EPB41L3: variants seen among roughly 807,000 people sequenced by gnomAD.
EPB41L3 encodes band 4.1-like protein 3.
In EPB41L3, 57 loss-of-function variants were observed where a neutral mutation model predicts 127.1. The observed-to-expected ratio is 0.45, with a 90% confidence interval of 0.36 to 0.56. The LOEUF is 0.56. Among genes scored for constraint, EPB41L3 ranks in the 20% least tolerant of loss-of-function variants. The pLI is 0.00. For missense variants in EPB41L3, 1,273 were observed against 1,372.2 expected, an observed-to-expected ratio of 0.93 and a Z score of 1.14; for synonymous variants, 572 against 549.5, an observed-to-expected ratio of 1.04 and a Z score of -0.57.
chr18:5,456,826 G>C (rs2083156675), intron 3 of EPB41L3, among the ~76,000 whole-genome samples: 1 of 152,208 alleles, frequency 6.6e-6, no homozygotes, highest in Admixed American at 6.5e-5. Flanking sequence ...CCTGTGACAG[G>C]GGTAAGGAGG....
At chr18:5,441,005 T>C (rs1325738250) in intron 5 of EPB41L3, among the ~76,000 whole-genome samples, 1 of 152,156 alleles carries the variant, frequency 6.6e-6, no homozygotes, top group Non-Finnish European at 1.5e-5. Context: ...GCCTCCCTAG[T>C]AGCCAGGACT....
At chr18:5,586,628 C>T (rs984963347) in intron 3 of EPB41L3, among the ~76,000 whole-genome samples, 1 of 150,438 alleles carries the variant, frequency 6.6e-6, no homozygotes, top group Non-Finnish European at 1.5e-5. Flanking sequence ...TCTCAAACTC[C>T]TAGGTTCAAG....
chr18:5,530,513 C>G (rs1031741780), intron 1 of EPB41L3, among the ~76,000 whole-genome samples: 8 of 152,104 alleles, frequency 5.3e-5, no homozygotes, highest in Admixed American at 5.2e-4. Context: ...TGCACAGGGC[C>G]CTGAACTCTG....
At chr18:5,570,579 T>C (rs1480261503) in intron 3 of EPB41L3, among the ~76,000 whole-genome samples, 1 of 151,952 alleles carries the variant, frequency 6.6e-6, no homozygotes, top group African/African-American at 2.4e-5. Flanking sequence ...CTTTTTCTTT[T>C]CTTTTATTTT....
chr18:5,553,588 A>G (rs992447353), intron 3 of EPB41L3, among the ~76,000 whole-genome samples: 3 of 152,238 alleles, frequency 2.0e-5, no homozygotes, highest in Non-Finnish European at 2.9e-5. Context: ...AGAGCAGTCT[A>G]CAAGTTAAGA....
At chr18:5,540,977 C>T (rs1170349369) in intron 1 of EPB41L3, among the ~76,000 whole-genome samples, 3 of 149,410 alleles carry the variant, frequency 2.0e-5, no homozygotes, top group Non-Finnish European at 4.4e-5. Context: ...CCCAGCTACT[C>T]GGGAGGCTGA....
chr18:5,399,629 T>C, intron 16 of EPB41L3: 1 of 342,458 alleles, frequency 2.9e-6, no homozygotes, highest in East Asian at 4.5e-5. Flanking sequence ...GGAACATACT[T>C]TGCAGTAAAT....
chr18:5,469,032 C>T (rs2147449171), intron 3 of EPB41L3, among the ~76,000 whole-genome samples: 1 of 152,330 alleles, frequency 6.6e-6, no homozygotes, highest in East Asian at 1.9e-4. Context: ...CTCAATAAAG[C>T]ACCTCTTTGT....
At position 5,445,463 on chromosome 18, in the gene EPB41L3, A is replaced by G. The variant is rs551926734; in HGVS notation, c.382-219T>C. Among the ~76,000 whole-genome samples, 4 of 152,344 alleles carry G rather than the reference A, an allele frequency of 2.6e-5. No individual in the cohort carries two copies. The South Asian group carries it at 8.3e-4, about 32-fold the overall frequency. ...CAACCTACAAAAGCCCACCCCACAAATAAACAAAAGCAAAGTATCAACAGC... is the reference window on the plus strand; with the variant it reads ...CAACCTACAAAAGCCCACCCCACAAGTAAACAAAAGCAAAGTATCAACAGC... On this transcript the variant is annotated intron_variant, in intron 3 of 22. Transcript: ENST00000341928.
chr18:5,540,645 C>A, intron 1 of EPB41L3: 1 of 674,610 alleles, frequency 1.5e-6, no homozygotes, highest in Non-Finnish European at 1.8e-6. Flanking sequence ...GCAGCGATTG[C>A]ACGATTAAGG....
chr18:5,416,279 C>A lies in EPB41L3; in HGVS notation c.1606G>T (p.Asp536Tyr), dbSNP rs1222073539. The change falls in exon 13 of 23, where the codon GAC becomes TAC. Residue 536 changes from aspartate (D) to tyrosine (Y), a missense_variant. Transcript: ENST00000341928. ...GGCTCATAACCTGGCAGTTTGCAGT[C>A]ATTCTCCTTACACCTCCTACGGAGC... ...TELRRRCKEN[D>Y]CKLPGYEPSR... 1.2e-6 allele frequency: 2 copies of A among 1,614,110 alleles called. No homozygotes were observed. The highest frequency in any genetic ancestry group is 1.7e-6 in the Non-Finnish European group (2 of 1,180,034).
chr18:5,568,161 T>C (rs2094231372), intron 3 of EPB41L3, among the ~76,000 whole-genome samples: 1 of 152,126 alleles, frequency 6.6e-6, no homozygotes, highest in Non-Finnish European at 1.5e-5. Context: ...ATTTAAAAGA[T>C]AACATAAAAG....
In EPB41L3 at chr18:5,464,873, T is replaced by G. The variant is rs752256015; in HGVS notation, c.381+13368A>C. Among the ~76,000 whole-genome samples the G allele has an allele frequency of 2.1e-3, 316 of 152,292 alleles. 7 individuals carry two copies. Among genetic ancestry groups the G allele is most frequent in the Non-Finnish European group, 7.6e-4 (52 of 68,014 alleles). ...AGAGATGAAGAAAAAGAGGGTTGAC[T>G]TCCTCAGATCCTTTCTTTAATAGAC... On this transcript the variant is annotated intron_variant, in intron 3 of 22. Coordinates refer to ENST00000341928, the MANE Select transcript of EPB41L3 (RefSeq NM_012307.5).
In EPB41L3 at chr18:5,543,442, C is replaced by T. The variant is rs1046224729; in HGVS notation, c.-12+471G>A. 2.0e-5 allele frequency: 3 copies of T among 146,780 alleles called. No homozygotes were observed. The highest frequency in any genetic ancestry group is 7.4e-5 in the African/African-American group (3 of 40,812). 9.1% of individuals were successfully genotyped at this position (146,780 alleles called of 1,614,324 possible). A position where few individuals can be genotyped will look rare whatever the true frequency, so the allele number is the denominator to read the frequency against. On this transcript the variant is annotated intron_variant, in intron 1 of 22. Coordinates refer to ENST00000341928, the MANE Select transcript of EPB41L3 (RefSeq NM_012307.5). This position sits in a 1 kb window ranked among gnomAD's most constrained non-coding sequence, Gnocchi z 5.2. Reference sequence around the variant, plus strand: ...CGCCCGGGCGGCGCCGCAGTGTCGCCCCCTGTCCCCCGCACCTCCCCGGGG... The same window carrying T: ...CGCCCGGGCGGCGCCGCAGTGTCGCTCCCTGTCCCCCGCACCTCCCCGGGG...
At chr18:5,470,703 G>C (rs2085965244) in intron 3 of EPB41L3, among the ~76,000 whole-genome samples, 1 of 152,238 alleles carries the variant, frequency 6.6e-6, no homozygotes, top group African/African-American at 2.4e-5. Context: ...AACTGCTGAG[G>C]AAGTAGGCTC....
chr18:5,617,158 T>C (rs769414498), intron 1 of EPB41L3, among the ~76,000 whole-genome samples: 7 of 152,198 alleles, frequency 4.6e-5, no homozygotes, highest in African/African-American at 7.2e-5. Flanking sequence ...ATTGTTTTTA[T>C]ATACTGGCCT....
intron 16 of EPB41L3, chr18:5,400,626 T>C (rs1468147303): frequency 2.1e-6 from 1 of 468,722 alleles, no homozygotes; most frequent in African/African-American, 2.0e-5. Context: ...AATTCAGAAC[T>C]TTCAAAATCA....
chr18:5,621,535 T>C (rs931809865), intron 1 of EPB41L3, among the ~76,000 whole-genome samples: 3 of 152,018 alleles, frequency 2.0e-5, no homozygotes, highest in African/African-American at 7.3e-5. Flanking sequence ...GCCCAGGAGT[T>C]CCAGACCAGC....
intron 1 of EPB41L3, among the ~76,000 whole-genome samples, chr18:5,510,179 T>A (rs1315982764): frequency 6.6e-6 from 1 of 152,238 alleles, no homozygotes; most frequent in Middle Eastern, 3.2e-3. Flanking sequence ...CTGAAGGATT[T>A]CTGGTCTGCT....
Sources: allele counts gnomAD v4.1 joint callset (sites outside exome capture counted in the v4.1 genomes callset), GRCh38; gene constraint gnomAD v4.1.1; non-coding constraint Gnocchi (gnomAD v3.1); transcripts MANE v1.5; gene names NCBI Gene and HGNC (gene_info 2026-07-23, HGNC 2026-07-21).